LTBP1: variants seen among roughly 807,000 people sequenced by gnomAD.
The protein encoded by LTBP1 is latent transforming growth factor beta binding protein 1.
In LTBP1, 129 loss-of-function variants were observed where a neutral mutation model predicts 207.6. That is an observed-to-expected ratio of 0.62 (90% confidence interval 0.54 to 0.72). The LOEUF (loss-of-function observed/expected upper bound fraction) is 0.72, where lower values mean the gene tolerates loss of function less well. Ranked by LOEUF, LTBP1 falls within the 30% of genes least tolerant of loss-of-function variation. The pLI is 0.00. For synonymous variants in LTBP1, 963 were observed against 833.7 expected (o/e 1.16, Z -2.67); for missense variants, 2,281 against 2,217.2 (o/e 1.03, Z -0.58).
intron 2 of LTBP1, among the ~76,000 whole-genome samples, chr2:32,998,933 AAG>A (rs1207982514): frequency 4.7e-4 from 71 of 152,368 alleles, no homozygotes; most frequent in African/African-American, 1.7e-3. Context: ...AGCCTGGGCT[AAG>A]AACATGGTCT....
intron 3 of LTBP1, chr2:33,056,233 C>T (rs1207229043): frequency 1.6e-5 from 6 of 381,302 alleles, no homozygotes; most frequent in Admixed American, 4.7e-5. Flanking sequence ...GAATTGGTCC[C>T]AATAGCTTAG....
At chr2:33,181,231 G>A (rs1044634115) in intron 5 of LTBP1, among the ~76,000 whole-genome samples, 2 of 152,160 alleles carry the variant, frequency 1.3e-5, no homozygotes, top group African/African-American at 4.8e-5. Flanking sequence ...GAAAGAAAGA[G>A]GCAGGGTCTG....
At chr2:33,287,502 C>G (rs2093689404) in intron 19 of LTBP1, among the ~76,000 whole-genome samples, 1 of 152,188 alleles carries the variant, frequency 6.6e-6, no homozygotes, top group African/African-American at 2.4e-5. Flanking sequence ...CCCTTGCAAG[C>G]AGCAGTAACA....
intron 2 of LTBP1, among the ~76,000 whole-genome samples, chr2:32,965,061 C>T (rs559927008): frequency 1.3e-5 from 2 of 151,986 alleles, no homozygotes; most frequent in African/African-American, 2.4e-5. Flanking sequence ...AAAACAAAAA[C>T]AAACTTTAGT....
At chr2:33,034,030 G>T (rs1419088699) in intron 3 of LTBP1, among the ~76,000 whole-genome samples, 3 of 152,176 alleles carry the variant, frequency 2.0e-5, no homozygotes, top group Non-Finnish European at 4.4e-5. Flanking sequence ...ATGGAGTCGT[G>T]TTTGCATCAT....
intron 5 of LTBP1, among the ~76,000 whole-genome samples, chr2:33,162,270 G>A (rs2148154691): frequency 6.6e-6 from 1 of 152,286 alleles, no homozygotes; most frequent in Admixed American, 6.5e-5. Context: ...CATAATAAAT[G>A]CCACAGTGAT....
chr2:33,263,438 G>C, intron 15 of LTBP1, 46 bp downstream of exon 15: 1 of 1,371,172 alleles, frequency 7.3e-7, no homozygotes. Context: ...AGGAGACGTG[G>C]GGCTGAGCTT....
chr2:33,364,128 T>A (rs1202633635), intron 29 of LTBP1, 88 bp from the exon 30 acceptor site: 8 of 1,313,982 alleles, frequency 6.1e-6, no homozygotes, highest in African/African-American at 1.5e-5. Flanking sequence ...GAATCTGGAC[T>A]AAATATAGCA....
intron 11 of LTBP1, among the ~76,000 whole-genome samples, chr2:33,253,165 A>G (rs936804394): frequency 6.6e-6 from 1 of 152,202 alleles, no homozygotes; most frequent in African/African-American, 2.4e-5. Flanking sequence ...CTGCTGGGCC[A>G]TGCGCTTTCC....
intron 32 of LTBP1, among the ~76,000 whole-genome samples, chr2:33,393,736 G>C (rs531576902): frequency 6.6e-6 from 1 of 152,260 alleles, no homozygotes; most frequent in Admixed American, 6.5e-5. Context: ...ATTGTGAATA[G>C]TGCCACAGTA....
At chr2:32,996,557 A>G (rs781560541) in intron 2 of LTBP1, among the ~76,000 whole-genome samples, 5 of 152,148 alleles carry the variant, frequency 3.3e-5, no homozygotes, top group Non-Finnish European at 7.3e-5. Context: ...TGCAGTGGTG[A>G]TAAGAGGAGA....
chr2:33,059,029 A>C (rs1391743499), intron 3 of LTBP1, among the ~76,000 whole-genome samples: 1 of 152,182 alleles, frequency 6.6e-6, no homozygotes, highest in East Asian at 1.9e-4. Context: ...TATCCTTACA[A>C]GTGATCTTCA....
At chr2:33,228,472 G>A (rs2091578368) in intron 9 of LTBP1, among the ~76,000 whole-genome samples, 1 of 152,072 alleles carries the variant, frequency 6.6e-6, no homozygotes. Flanking sequence ...AATGAGGCCA[G>A]AACTTATGCT....
intron 19 of LTBP1, among the ~76,000 whole-genome samples, chr2:33,283,249 C>A (rs2093596964): frequency 6.6e-6 from 1 of 151,816 alleles, no homozygotes; most frequent in African/African-American, 2.4e-5. Context: ...CTTTAGAGAT[C>A]CCTTGGTGGT....
chr2:33,214,608 G>A (rs902432155), intron 7 of LTBP1, among the ~76,000 whole-genome samples: 3 of 152,132 alleles, frequency 2.0e-5, no homozygotes, highest in Non-Finnish European at 4.4e-5. Flanking sequence ...CTCACTGCAC[G>A]TGGTTAAACA....
At chr2:32,983,976 C>T (rs779449626) in intron 2 of LTBP1, among the ~76,000 whole-genome samples, 1 of 152,186 alleles carries the variant, frequency 6.6e-6, no homozygotes, top group Non-Finnish European at 1.5e-5. Flanking sequence ...TAAAACTGTA[C>T]TGCATAATTT....
intron 12 of LTBP1, among the ~76,000 whole-genome samples, chr2:33,259,299 A>G (rs2092948114): frequency 6.6e-6 from 1 of 152,250 alleles, no homozygotes; most frequent in Non-Finnish European, 1.5e-5. Context: ...ATGTTGTACC[A>G]GAAAGTATTG....
chr2:33,295,917 C>G (rs2093866301), intron 20 of LTBP1, among the ~76,000 whole-genome samples: 1 of 152,110 alleles, frequency 6.6e-6, no homozygotes, highest in South Asian at 2.1e-4. Flanking sequence ...ATGCCTTGCT[C>G]CAATAATACA....
chr2:33,374,459 C>G (rs1037260736), intron 31 of LTBP1, among the ~76,000 whole-genome samples: 1 of 152,086 alleles, frequency 6.6e-6, no homozygotes, highest in Admixed American at 6.5e-5. Flanking sequence ...AAACAATAAC[C>G]GCTAGTCACT....
Sources: gnomAD v4.1 joint callset for allele counts (sites outside exome capture counted in the v4.1 genomes callset) on GRCh38, gnomAD v4.1.1 for gene constraint, MANE v1.5 for transcripts, NCBI Gene and HGNC (gene_info 2026-07-23, HGNC 2026-07-21) for gene names.